VASH2: variants seen among roughly 807,000 people sequenced by gnomAD.
VASH2 encodes the protein vasohibin 2, also known as tubulinyl-Tyr carboxypeptidase 2.
Under a neutral mutation model 37.2 loss-of-function variants are expected in VASH2, and 28 were observed. The observed-to-expected ratio is 0.75, with a 90% CI of 0.56 to 1.03. VASH2 has a LOEUF of 1.03. Among genes scored for constraint, VASH2 ranks in the 50% least tolerant of loss-of-function variants. The pLI is 0.00. For synonymous variants in VASH2, 188 were observed against 174.7 expected (o/e 1.08, Z -0.60); for missense variants, 419 against 459.1 (o/e 0.91, Z 0.80).
chr1:212,970,805 G>T (rs527255290), intron 5 of VASH2, among the ~76,000 whole-genome samples: 2 of 151,776 alleles, frequency 1.3e-5, no homozygotes, highest in African/African-American at 4.8e-5. Flanking sequence ...CGGGAGAATC[G>T]CTTGAACTTG....
intron 3 of VASH2, among the ~76,000 whole-genome samples, chr1:212,962,194 T>C (rs1305336099): frequency 6.6e-6 from 1 of 152,210 alleles, no homozygotes; most frequent in Non-Finnish European, 1.5e-5. Context: ...GCAGGTTGTT[T>C]GCAGTCAGGA....
chr1:212,987,573 TCAAAAA>T lies in VASH2; in HGVS notation c.996-921_996-916del, dbSNP rs536414177. 1.4e-4 allele frequency among the ~76,000 whole-genome samples: 22 copies of T among 152,270 alleles called. 1 individual carries two copies. Among genetic ancestry groups the T allele is most frequent in the African/African-American group, 2.6e-4 (11 of 41,550 alleles). ...TGGGCAACAAGGGCGAAACTCCGTC[TCAAAAA>T]CAAAAACAAAAACAAAACAAAAACA... On this transcript the variant is annotated intron_variant, in intron 7 of 7. Coordinates refer to ENST00000517399, the MANE Select transcript of VASH2 (RefSeq NM_001301056.2).
intron 7 of VASH2, among the ~76,000 whole-genome samples, chr1:212,980,082 T>C (rs780777193): frequency 4.6e-5 from 7 of 152,098 alleles, no homozygotes; most frequent in Non-Finnish European, 1.0e-4. Context: ...GGGCCTGAGA[T>C]GGTAAATGCC....
At chr1:212,953,824 A>G (rs1028226662) in intron 2 of VASH2, among the ~76,000 whole-genome samples, 1 of 152,174 alleles carries the variant, frequency 6.6e-6, no homozygotes, top group African/African-American at 2.4e-5. Flanking sequence ...ATGAGCCCTC[A>G]GGACTGTGAC....
Position 212,966,356 on chromosome 1 carries a change from A to G in VASH2, c.497+11A>G. On this transcript the variant is annotated intron_variant, in intron 5 of 7. Transcript: ENST00000517399. ...TGTCATCCTGGGCATGTATCCTTTA[A>G]GTTATGTATGCTTAGTTTACTCCAT... The G allele has an allele frequency of 6.4e-7, 1 of 1,550,870 alleles. No individual in the cohort carries two copies. Among genetic ancestry groups the G allele is most frequent in the Non-Finnish European group, 8.7e-7 (1 of 1,146,198 alleles).
intron 3 of VASH2, 58 bp from the exon 4 acceptor site, chr1:212,965,664 C>A (rs939643303): frequency 4.1e-6 from 6 of 1,450,508 alleles, no homozygotes; most frequent in Non-Finnish European, 5.7e-6. Flanking sequence ...GCTTTCTCTG[C>A]CACATTACTG....
At chr1:212,985,482 C>G (rs1165594472) in intron 7 of VASH2, among the ~76,000 whole-genome samples, 1 of 150,404 alleles carries the variant, frequency 6.6e-6, no homozygotes, top group Non-Finnish European at 1.5e-5. Flanking sequence ...TGCAGTGGCA[C>G]GATCTTGGCT....
In VASH2 at chr1:212,954,513, C is replaced by T. The variant is rs192972753; in HGVS notation, c.276+2695C>T. Among the ~76,000 whole-genome samples, 774 of 152,200 alleles carry T rather than the reference C, an allele frequency of 5.1e-3. 11 individuals carry two copies. Among genetic ancestry groups the T allele is most frequent in the African/African-American group, 0.018 (745 of 41,520 alleles). ...TCGGTTCACTGCAACCTCCACCTCC[C>T]GGGTTCAAGCAATTCTCCTGCCTCA... On this transcript the variant is annotated intron_variant, in intron 2 of 7. Transcript: ENST00000517399.
rs570199153 is a variant in VASH2 at position 212,988,718 on chromosome 1, A to G, written c.*134A>G. 3.1e-5 allele frequency: 30 copies of G among 968,694 alleles called. No homozygotes were observed. In the South Asian group the frequency reaches 4.3e-4, roughly 14 times the overall value. 60.0% of individuals were successfully genotyped at this position (968,694 alleles called of 1,614,324 possible). A position where few individuals can be genotyped will look rare whatever the true frequency, so the allele number is the denominator to read the frequency against. On this transcript the variant is annotated 3_prime_UTR_variant, in exon 8 of 8. Coordinates refer to ENST00000517399, the MANE Select transcript of VASH2 (RefSeq NM_001301056.2). The stretch of plus-strand genomic sequence containing the variant: ...TTTTAAGGATTCACCTGGAAATAGA[A>G]TCTGAGTGGGTGGTAACCATTAGCT...
intron 7 of VASH2, among the ~76,000 whole-genome samples, chr1:212,982,443 C>T (rs1667365616): frequency 6.6e-6 from 1 of 152,154 alleles, no homozygotes; most frequent in African/African-American, 2.4e-5. Flanking sequence ...ATGAGAGGTT[C>T]TGGGCAAGTG....
At chr1:212,972,488 C>G (rs1667039007) in intron 5 of VASH2, 92 bp from the exon 6 acceptor site, 1 of 1,497,082 alleles carries the variant, frequency 6.7e-7, no homozygotes, top group South Asian at 1.2e-5. Context: ...GGGGGATGGA[C>G]TCACTGAACC....
intron 2 of VASH2, among the ~76,000 whole-genome samples, chr1:212,959,182 ATC>A (rs1263098943): frequency 2.0e-5 from 3 of 152,110 alleles, no homozygotes; most frequent in African/African-American, 7.2e-5. Context: ...ACTTTGTGAA[ATC>A]TCTGGCACAT....
intron 5 of VASH2, among the ~76,000 whole-genome samples, chr1:212,972,167 G>A (rs759846534): frequency 1.3e-5 from 2 of 152,154 alleles, no homozygotes; most frequent in Non-Finnish European, 2.9e-5. Context: ...GCGGGGCAGG[G>A]AGCAAGAATA....
chr1:212,982,324 G>C (rs1333318864), intron 7 of VASH2, among the ~76,000 whole-genome samples: 1 of 152,164 alleles, frequency 6.6e-6, no homozygotes, highest in African/African-American at 2.4e-5. Flanking sequence ...TGTTGCCGGA[G>C]AACCTTGAAA....
chr1:212,956,668 T>C (rs1666507250), intron 2 of VASH2, among the ~76,000 whole-genome samples: 1 of 152,248 alleles, frequency 6.6e-6, no homozygotes, highest in South Asian at 2.1e-4. Context: ...GAGAGCATCC[T>C]TACCAGCATT....
At position 212,972,567 on chromosome 1, in the gene VASH2, CAG is replaced by C; in HGVS notation, c.498-11_498-10del. The C allele has an allele frequency of 1.4e-5, 23 of 1,601,940 alleles. No individual in the cohort carries two copies. The highest frequency in any genetic ancestry group is 1.9e-5 in the Non-Finnish European group (22 of 1,177,492). On this transcript the variant is annotated splice_polypyrimidine_tract_variant and intron_variant, in intron 5 of 7. Transcript: ENST00000517399. ...AAGGCCTCCTTTCTCTTCCTTGACT[CAG>C]ATTGTCTAAGCTACTTAACCAATGG...
chr1:212,960,912 C>T (rs1381283013), intron 2 of VASH2, among the ~76,000 whole-genome samples: 2 of 152,140 alleles, frequency 1.3e-5, no homozygotes, highest in Admixed American at 6.5e-5. Context: ...TCACACAGCA[C>T]GGAGGGCCAT....
chr1:212,976,228 C>T (rs1667164965), intron 7 of VASH2, among the ~76,000 whole-genome samples: 1 of 152,122 alleles, frequency 6.6e-6, no homozygotes, highest in Admixed American at 6.5e-5. Context: ...TTGGAGCCAT[C>T]TACTTAGAAT....
intron 5 of VASH2, chr1:212,967,301 T>G: frequency 4.8e-6 from 6 of 1,252,942 alleles, no homozygotes; most frequent in Non-Finnish European, 6.2e-6. Flanking sequence ...CATTCGAGCA[T>G]CATGCCATTG....
Sources: gnomAD v4.1 joint callset for allele counts (sites outside exome capture counted in the v4.1 genomes callset) on GRCh38, gnomAD v4.1.1 for gene constraint, MANE v1.5 for transcripts, NCBI Gene and HGNC (gene_info 2026-07-23, HGNC 2026-07-21) for gene names.